The following LMF1 variants were observed in gnomAD, a reference collection of about 807,000 sequenced individuals.
LMF1 encodes the protein lipase maturation factor 1.
A neutral mutation model predicts 60.6 loss-of-function variants in LMF1; 68 were observed. That is an observed-to-expected ratio of 1.12 (90% CI 0.92 to 1.37). The LOEUF (loss-of-function observed/expected upper bound fraction) is 1.37, where lower values mean the gene tolerates loss of function less well. Among genes scored for constraint, LMF1 ranks in the 40% most tolerant of loss-of-function variants. The probability of loss-of-function intolerance (pLI) is 0.00; values close to 1 mark genes in which losing one functional copy is unlikely to be tolerated. For missense variants in LMF1, 948 were observed against 767.2 expected, an observed-to-expected ratio of 1.24 and a Z score of -2.78; for synonymous variants, 418 against 324.7, an observed-to-expected ratio of 1.29 and a Z score of -3.09.
chr16:946,552 C>A (rs539432167), intron 2 of LMF1, among the ~76,000 whole-genome samples: 1 of 152,240 alleles, frequency 6.6e-6, no homozygotes, highest in Non-Finnish European at 1.5e-5. Flanking sequence ...GAGGCCCGGA[C>A]AGTCCTGGTC....
In LMF1 at chr16:963,545, A is replaced by G. The variant is rs532748950; in HGVS notation, c.193+7243T>C. On this transcript the variant is annotated intron_variant, in intron 1 of 10. Coordinates refer to ENST00000262301, the MANE Select transcript of LMF1 (RefSeq NM_022773.4). ...TGCGTGTGCAGGGATGCATGTGTGT[A>G]TGTCCTGGCATGTATGCAGGTGGGA... Among the ~76,000 whole-genome samples, 5 of 152,214 alleles carry G rather than the reference A, an allele frequency of 3.3e-5. No homozygotes were observed. In the East Asian group the frequency reaches 5.8e-4, roughly 18 times the overall value.
At chr16:871,501 C>T in intron 6 of LMF1, 160 bp from the exon 7 acceptor site, 1 of 710,946 alleles carries the variant, frequency 1.4e-6, no homozygotes, top group Non-Finnish European at 2.3e-6. Flanking sequence ...CCCAGCTGTG[C>T]CTTCATGGAG....
At chr16:860,600 C>A (rs980473319) in intron 10 of LMF1, among the ~76,000 whole-genome samples, 2 of 152,168 alleles carry the variant, frequency 1.3e-5, no homozygotes, top group South Asian at 2.1e-4. Context: ...CTTGGCCTCC[C>A]AAAGTGCTGG....
intron 10 of LMF1, among the ~76,000 whole-genome samples, chr16:858,933 G>A (rs1418740028): frequency 4.9e-5 from 5 of 101,674 alleles, no homozygotes; most frequent in Admixed American, 8.4e-5. Flanking sequence ...GTCACGGGAC[G>A]GGTGTGCAGT....
At chr16:936,380 C>A (rs1186555230) in intron 2 of LMF1, among the ~76,000 whole-genome samples, 1 of 136,418 alleles carries the variant, frequency 7.3e-6, no homozygotes, top group African/African-American at 2.8e-5. Context: ...AGAGGGGGTA[C>A]CCCGTGGGCT....
At chr16:917,181 C>T (rs1464563820) in intron 3 of LMF1, among the ~76,000 whole-genome samples, 5 of 152,222 alleles carry the variant, frequency 3.3e-5, no homozygotes, top group South Asian at 2.1e-4. Flanking sequence ...CCATGGGGGA[C>T]GGGTCACCAC....
chr16:873,725 C>G (rs1253895048), intron 6 of LMF1: 5 of 152,390 alleles, frequency 3.3e-5, no homozygotes, highest in African/African-American at 7.2e-5. Flanking sequence ...GAACCCAGGT[C>G]TCTCTTCAGT....
chr16:870,141 G>T (rs990120385), intron 8 of LMF1, 75 bp from the exon 9 acceptor site: 4 of 1,489,282 alleles, frequency 2.7e-6, no homozygotes, highest in East Asian at 4.8e-5. Context: ...GGTGGGGGGG[G>T]TTCCCCGACT....
chr16:879,682 A>G lies in LMF1; in HGVS notation c.785T>C (p.Phe262Ser), dbSNP rs372289554. Residue 262 changes from phenylalanine (F) to serine (S), a missense_variant, in exon 6 of 11, where the codon TTC (phenylalanine) becomes TCC (serine). By Grantham distance (155) the Phe-to-Ser change is radical. Transcript: ENST00000262301. ...GTTGCTGAGCGTCTCGAAGCGATGG[A>G]ACCACCAGGGTGAGTGGTGCAGGTA... ...AYYLHHSPWW[F>S]HRFETLSNHF... 8.1e-6 allele frequency: 13 copies of G among 1,608,404 alleles called. No homozygotes were observed. The highest frequency in any genetic ancestry group is 1.0e-5 in the Non-Finnish European group (12 of 1,177,708).
upstream of LMF1, among the ~76,000 whole-genome samples, chr16:972,449 G>A (rs371371859): frequency 9.2e-5 from 14 of 152,308 alleles, no homozygotes; most frequent in African/African-American, 3.4e-4. Flanking sequence ...TCCCTCCACA[G>A]AGCCCACGAC....
At chr16:947,249 A>G (rs1268737307) in intron 2 of LMF1, among the ~76,000 whole-genome samples, 1 of 152,214 alleles carries the variant, frequency 6.6e-6, no homozygotes, top group Non-Finnish European at 1.5e-5. Context: ...TTTACCATCA[A>G]ATATGTCTAC....
At chr16:884,340 A>G (rs773338507) in intron 5 of LMF1, among the ~76,000 whole-genome samples, 3 of 152,264 alleles carry the variant, frequency 2.0e-5, no homozygotes, top group Non-Finnish European at 4.4e-5. Context: ...GCAAATAAAG[A>G]TGTTACAGAG....
chr16:960,431 C>G (rs1302810182), intron 1 of LMF1, among the ~76,000 whole-genome samples: 4 of 87,742 alleles, frequency 4.6e-5, no homozygotes, highest in Non-Finnish European at 6.8e-5. Context: ...CACGGGATCA[C>G]GACCCAGACA....
intron 5 of LMF1, 85 bp downstream of exon 5, chr16:892,922 G>A: frequency 4.0e-6 from 4 of 1,008,538 alleles, no homozygotes; most frequent in Non-Finnish European, 5.8e-6. Context: ...GCTCACCAGG[G>A]TGTGCAGGAC....
chr16:941,459 G>T (rs988944541), intron 2 of LMF1, among the ~76,000 whole-genome samples: 1 of 152,204 alleles, frequency 6.6e-6, no homozygotes, highest in Non-Finnish European at 1.5e-5. Flanking sequence ...ATGACCTCAG[G>T]TGATCTGCCT....
At chr16:918,011 G>A (rs944744665) in intron 3 of LMF1, among the ~76,000 whole-genome samples, 3 of 152,242 alleles carry the variant, frequency 2.0e-5, no homozygotes, top group Non-Finnish European at 2.9e-5. Context: ...GTGCAGAGCT[G>A]GGGACATGGC....
intron 7 of LMF1, 54 bp downstream of exon 7, chr16:871,107 C>A: frequency 6.7e-7 from 1 of 1,489,972 alleles, no homozygotes; most frequent in Non-Finnish European, 9.0e-7. Context: ...GTGGGGCTGG[C>A]ACCACCCGAC....
At chr16:919,606 A>ACCAC (rs2071378593) in intron 3 of LMF1, among the ~76,000 whole-genome samples, 1 of 68,914 alleles carries the variant, frequency 1.5e-5, no homozygotes. Flanking sequence ...GGGCGTCTGG[A>ACCAC]CCGCAGTCTC....
intron 4 of LMF1, among the ~76,000 whole-genome samples, chr16:909,124 G>A (rs942500410): frequency 2.0e-5 from 3 of 152,174 alleles, no homozygotes; most frequent in African/African-American, 7.2e-5. Flanking sequence ...AAGGGAATTA[G>A]GTGCTCGCAT....
Sources: allele counts gnomAD v4.1 joint callset (sites outside exome capture counted in the v4.1 genomes callset), GRCh38; gene constraint gnomAD v4.1.1; transcripts MANE v1.5; gene names NCBI Gene and HGNC (gene_info 2026-07-23, HGNC 2026-07-21).